BIRC6: variants seen among roughly 807,000 people sequenced by gnomAD.
The protein encoded by BIRC6 is dual E2 ubiquitin-conjugating enzyme/E3 ubiquitin-protein ligase BIRC6.
BIRC6 carries 98 observed loss-of-function variants against 503.3 expected under a neutral mutation model. The ratio of observed to expected loss-of-function variants is 0.19; its 90% CI spans 0.17 to 0.23. The LOEUF is 0.23. BIRC6 is among the 10% of genes least tolerant of loss of function. The pLI is 1.00. For synonymous variants in BIRC6, 2,240 were observed against 2,078.7 expected, an observed-to-expected ratio of 1.08 and a Z score of -2.11; for missense variants, 5,360 against 5,806.0, an observed-to-expected ratio of 0.92 and a Z score of 2.50.
intron 4 of BIRC6, 45 bp from the exon 5 acceptor site, chr2:32,391,994 G>A: frequency 7.8e-7 from 1 of 1,275,842 alleles, no homozygotes; most frequent in Non-Finnish European, 1.1e-6. Context: ...GTTTCACTGT[G>A]ATTTGATGCC....
intron 1 of BIRC6, among the ~76,000 whole-genome samples, chr2:32,373,871 A>T (rs886337923): frequency 1.3e-5 from 2 of 152,210 alleles, no homozygotes; most frequent in African/African-American, 4.8e-5. Context: ...GAATGGATAA[A>T]AGGAAGGAAA....
chr2:32,527,700 A>G (rs772509089), intron 59 of BIRC6: 4 of 152,500 alleles, frequency 2.6e-5, no homozygotes, highest in Admixed American at 2.0e-4. Context: ...ACCTCCTTAC[A>G]TATGTAAAAA....
rs888296184 is a variant in BIRC6 at position 32,511,704 on chromosome 2, T to G, written c.10346+1070T>G. Among the ~76,000 whole-genome samples, 3 of 152,062 alleles carry G rather than the reference T, an allele frequency of 2.0e-5. No individual in the cohort carries two copies. In the South Asian group the frequency reaches 6.2e-4, roughly 31 times the overall value. On this transcript the variant is annotated intron_variant, in intron 53 of 73. Coordinates refer to ENST00000421745, the MANE Select transcript of BIRC6 (RefSeq NM_016252.4). ...ATATTTGGCATTCTCTGTTTTTATG[T>G]GTAGCATCCATATTAGAAAAACAGA...
chr2:32,420,863 A>G (rs2042860283), intron 10 of BIRC6, among the ~76,000 whole-genome samples: 1 of 148,286 alleles, frequency 6.7e-6, no homozygotes, highest in South Asian at 2.1e-4. Flanking sequence ...CACCACTCTC[A>G]TTTGTGATAC....
intron 73 of BIRC6, among the ~76,000 whole-genome samples, chr2:32,615,701 C>G (rs2063182186): frequency 6.6e-6 from 1 of 152,106 alleles, no homozygotes; most frequent in African/African-American, 2.4e-5. Context: ...GCTGTGCGAT[C>G]TCAGCTCACT....
At chr2:32,379,785 A>G (rs1005888782) in intron 2 of BIRC6, among the ~76,000 whole-genome samples, 1 of 152,122 alleles carries the variant, frequency 6.6e-6, no homozygotes, top group African/African-American at 2.4e-5. Flanking sequence ...ATGACTTTAT[A>G]TAGCTTGAGT....
At chr2:32,453,079 A>G (rs2046886172) in intron 22 of BIRC6, among the ~76,000 whole-genome samples, 1 of 152,208 alleles carries the variant, frequency 6.6e-6, no homozygotes, top group Middle Eastern at 3.4e-3. Context: ...TCCAAAAAAA[A>G]AAAAAAATTG....
At chr2:32,440,086 C>G (rs1574222012) in intron 16 of BIRC6, among the ~76,000 whole-genome samples, 1 of 152,268 alleles carries the variant, frequency 6.6e-6, no homozygotes, top group East Asian at 1.9e-4. Context: ...ACCATATTGG[C>G]CAGGCTGGTC....
chr2:32,442,264 C>CT lies in BIRC6; in HGVS notation c.4106+42dup, dbSNP rs777800319. ...AATTTTGCTTACCACTGTTGATTGC[C>CT]TTTTAGATGTTATGATTGAAAGTTC... On this transcript the variant is annotated intron_variant, in intron 18 of 73. Coordinates refer to ENST00000421745, the MANE Select transcript of BIRC6 (RefSeq NM_016252.4). 5 of 1,605,540 alleles carry CT rather than the reference C, an allele frequency of 3.1e-6. No homozygotes were observed. In the South Asian group the frequency reaches 5.6e-5, roughly 18 times the overall value.
At chr2:32,554,040 A>G (rs960245050) in intron 65 of BIRC6, among the ~76,000 whole-genome samples, 13 of 152,138 alleles carry the variant, frequency 8.5e-5, no homozygotes, top group Admixed American at 2.0e-4. Context: ...CCCTCTGGCC[A>G]CTAGATGGAG....
At chr2:32,556,495 C>T (rs964118871) in intron 65 of BIRC6, among the ~76,000 whole-genome samples, 3 of 152,200 alleles carry the variant, frequency 2.0e-5, no homozygotes, top group Non-Finnish European at 4.4e-5. Flanking sequence ...TTCCACATAA[C>T]TACCTACCAG....
intron 61 of BIRC6, chr2:32,532,389 A>G: frequency 2.5e-6 from 1 of 404,408 alleles, no homozygotes; most frequent in Non-Finnish European, 4.9e-6. Flanking sequence ...ATTGGTTGCC[A>G]GTAGTTCTTG....
At chr2:32,428,869 A>C (rs903462389) in intron 10 of BIRC6, among the ~76,000 whole-genome samples, 2 of 152,222 alleles carry the variant, frequency 1.3e-5, no homozygotes, top group African/African-American at 4.8e-5. Flanking sequence ...TAAATGAATT[A>C]ATTAAAGCAC....
At chr2:32,410,567 G>C (rs2149908472) in intron 9 of BIRC6, among the ~76,000 whole-genome samples, 1 of 152,180 alleles carries the variant, frequency 6.6e-6, no homozygotes, top group South Asian at 2.1e-4. Context: ...CCAGATTATG[G>C]GAAATTCTAG....
intron 37 of BIRC6, among the ~76,000 whole-genome samples, chr2:32,480,242 C>T (rs1246846702): frequency 6.6e-6 from 1 of 152,152 alleles, no homozygotes; most frequent in Non-Finnish European, 1.5e-5. Flanking sequence ...GCGTGCCTTT[C>T]TCTAAGAGGC....
intron 57 of BIRC6, chr2:32,523,568 A>C (rs1379158122): frequency 1.3e-5 from 2 of 152,244 alleles, no homozygotes; most frequent in Non-Finnish European, 2.9e-5. Flanking sequence ...ATGTGTATAA[A>C]ATTTTTTACT....
At chr2:32,462,340 A>G (rs1331230347) in intron 23 of BIRC6, among the ~76,000 whole-genome samples, 2 of 152,238 alleles carry the variant, frequency 1.3e-5, no homozygotes, top group African/African-American at 2.4e-5. Context: ...TCTCATAAAT[A>G]TTGGAAAACA....
chr2:32,431,617 A>G (rs1166773482), intron 12 of BIRC6, among the ~76,000 whole-genome samples: 1 of 152,190 alleles, frequency 6.6e-6, no homozygotes, highest in Non-Finnish European at 1.5e-5. Context: ...TATTTGTCAT[A>G]TTGCTTTTGG....
At chr2:32,534,782 A>AGTG (rs2150098514) in intron 61 of BIRC6, among the ~76,000 whole-genome samples, 1 of 151,008 alleles carries the variant, frequency 6.6e-6, no homozygotes, top group Admixed American at 6.6e-5. Context: ...AAGCATAGAA[A>AGTG]GTGTAAGGAA....
Sources: gnomAD v4.1 joint callset for allele counts (sites outside exome capture counted in the v4.1 genomes callset) on GRCh38, gnomAD v4.1.1 for gene constraint, MANE v1.5 for transcripts, NCBI Gene and HGNC (gene_info 2026-07-23, HGNC 2026-07-21) for gene names.